Variants in PAMR1 observed in about 807,000 individuals in gnomAD.
PAMR1 encodes the protein inactive serine protease PAMR1.
A neutral mutation model predicts 81.8 loss-of-function variants in PAMR1; 88 were observed. The observed-to-expected ratio is 1.08, with a 90% confidence interval of 0.91 to 1.28. PAMR1 has a LOEUF of 1.28. Among genes scored for constraint, PAMR1 ranks in the 50% most tolerant of loss-of-function variants. The probability of loss-of-function intolerance (pLI) is 0.00; values close to 1 mark genes in which losing one functional copy is unlikely to be tolerated. For missense variants in PAMR1, 935 were observed against 919.7 expected (o/e 1.02, Z -0.21); for synonymous variants, 336 against 345.3 (o/e 0.97, Z 0.30).
At chr11:35,435,830 A>AG in intron 9 of PAMR1, 73 bp downstream of exon 9, 1 of 1,104,670 alleles carries the variant, frequency 9.1e-7, no homozygotes, top group African/African-American at 1.5e-5. Context: ...CCCAAAAAGT[A>AG]GGGTTAATGG....
chr11:35,435,755 A>G, intron 9 of PAMR1, 148 bp downstream of exon 9: 1 of 626,746 alleles, frequency 1.6e-6, no homozygotes, highest in South Asian at 2.0e-5. Flanking sequence ...AGCCAAAGGA[A>G]AAAAAAAGCT....
intron 6 of PAMR1, among the ~76,000 whole-genome samples, chr11:35,457,598 G>A (rs530154191): frequency 2.0e-5 from 3 of 152,116 alleles, no homozygotes; most frequent in Non-Finnish European, 4.4e-5. Flanking sequence ...GCTCCTCAAG[G>A]AAACACCTTC....
At chr11:35,459,482 G>A (rs1018466199) in intron 6 of PAMR1, among the ~76,000 whole-genome samples, 5 of 152,166 alleles carry the variant, frequency 3.3e-5, no homozygotes, top group Non-Finnish European at 7.4e-5. Flanking sequence ...CTCCTTGGGG[G>A]TGGGTGATAA....
intron 3 of PAMR1, among the ~76,000 whole-genome samples, chr11:35,475,116 GGCCTGACAAAT>G (rs1049132522): frequency 2.0e-5 from 3 of 152,100 alleles, no homozygotes; most frequent in Non-Finnish European, 4.4e-5. Flanking sequence ...TTCCTCTCCA[GGCCTGACAAAT>G]GCCAGCCTGC....
Position 35,441,705 on chromosome 11 carries a change from T to TAAAAG in PAMR1, c.821-17_821-13dup. ...TCTTTCTTCAAGGACTAAAAGAAAG[T>TAAAAG]AAAAGAAAAGGAGAATTGTTAAAAG... On this transcript the variant is annotated splice_polypyrimidine_tract_variant and intron_variant, in intron 6 of 10. Transcript: ENST00000619888. The TAAAAG allele has an allele frequency of 3.2e-6, 5 of 1,560,788 alleles. No homozygotes were observed. In the Middle Eastern group the frequency reaches 8.5e-4, roughly 267 times the overall value.
intron 3 of PAMR1, among the ~76,000 whole-genome samples, chr11:35,487,923 AG>A (rs545767514): frequency 7.4e-4 from 113 of 152,322 alleles, no homozygotes; most frequent in African/African-American, 2.5e-3. Context: ...TGGCACATAA[AG>A]TGCTCAGCAC....
At chr11:35,515,631 C>T (rs2135422376) in intron 1 of PAMR1, among the ~76,000 whole-genome samples, 1 of 152,282 alleles carries the variant, frequency 6.6e-6, no homozygotes, top group Admixed American at 6.5e-5. Context: ...TGGGGTGGAG[C>T]ATCATTAGCC....
At chr11:35,464,686 A>C (rs1469525146) in intron 6 of PAMR1, among the ~76,000 whole-genome samples, 1 of 152,238 alleles carries the variant, frequency 6.6e-6, no homozygotes, top group Non-Finnish European at 1.5e-5. Flanking sequence ...CCGCAGAAAA[A>C]AAGGTCTAGA....
At chr11:35,478,835 C>CATGT (rs879922658) in intron 3 of PAMR1, among the ~76,000 whole-genome samples, 1 of 149,612 alleles carries the variant, frequency 6.7e-6, no homozygotes, top group Non-Finnish European at 1.5e-5. Context: ...GGTGTGTGGG[C>CATGT]GTGTGTGTGT....
Position 35,489,274 on chromosome 11 carries a change from C to T in PAMR1, c.379+2771G>A, listed in dbSNP as rs566005522. Among the ~76,000 whole-genome samples the T allele has an allele frequency of 7.9e-5, 12 of 152,284 alleles. No individual in the cohort carries two copies. In the East Asian group the frequency reaches 2.3e-3, roughly 29 times the overall value. On this transcript the variant is annotated intron_variant, in intron 3 of 10. Transcript: ENST00000619888. ...AACTCACCTTCTTTCCCCCACCAAACCTCTTCCCTTTTATTACTCACTTAA... is the reference window on the plus strand; with the variant it reads ...AACTCACCTTCTTTCCCCCACCAAATCTCTTCCCTTTTATTACTCACTTAA...
chr11:35,493,199 C>T (rs1850661841), intron 2 of PAMR1, among the ~76,000 whole-genome samples: 1 of 152,198 alleles, frequency 6.6e-6, no homozygotes, highest in Non-Finnish European at 1.5e-5. Context: ...TATTTCTCTC[C>T]TGCCTCTAGT....
chr11:35,434,196 A>G lies in PAMR1; in HGVS notation c.1626+316T>C, dbSNP rs1002800480. Among the ~76,000 whole-genome samples, 11 of 152,260 alleles carry G rather than the reference A, an allele frequency of 7.2e-5. No individual in the cohort carries two copies. In the South Asian group the frequency reaches 8.3e-4, roughly 11 times the overall value. On this transcript the variant is annotated intron_variant, in intron 10 of 10. Transcript: ENST00000619888. ...AATTTTTAATTTGTTAATTTATGACATATCCTACCAGGTAACATGTGCTAC... is the reference window on the plus strand; with the variant it reads ...AATTTTTAATTTGTTAATTTATGACGTATCCTACCAGGTAACATGTGCTAC...
At chr11:35,525,298 G>A (rs781633422) in intron 1 of PAMR1, among the ~76,000 whole-genome samples, 4 of 152,034 alleles carry the variant, frequency 2.6e-5, no homozygotes, top group Non-Finnish European at 5.9e-5. Context: ...ACAAAACCAC[G>A]TCACAGTCTC....
intron 6 of PAMR1, among the ~76,000 whole-genome samples, chr11:35,443,652 C>T (rs1856228736): frequency 6.6e-6 from 1 of 152,102 alleles, no homozygotes; most frequent in African/African-American, 2.4e-5. Flanking sequence ...GCTATTGTGA[C>T]CAGTGATGCA....
At position 35,497,117 on chromosome 11, in the gene PAMR1, G is replaced by C. The variant is rs549819650; in HGVS notation, c.74-2845C>G. 6.6e-5 allele frequency among the ~76,000 whole-genome samples: 10 copies of C among 152,312 alleles called. 1 individual carries two copies. In the East Asian group the frequency reaches 1.5e-3, roughly 23 times the overall value. ...AGGGGCAGAGGTTGCAGTGAGCCAA[G>C]ATTGTGTCATTGGACACCAGCCTGG... is the stretch of plus-strand genomic sequence containing the variant. On this transcript the variant is annotated intron_variant, in intron 1 of 10. Transcript: ENST00000619888.
rs868276332 is a variant in PAMR1 at position 35,468,058 on chromosome 11, C to A, written c.763G>T (p.Ala255Ser). The change falls in exon 6 of 11, where the codon GCT (alanine) becomes TCT (serine). Residue 255 changes from alanine to serine, a missense_variant. Coordinates refer to ENST00000619888, the MANE Select transcript of PAMR1 (RefSeq NM_001001991.3). ...FHDGTCVLDK[A>S]GSYKCACLAG... is the part of the protein sequence containing the mutation. Reference sequence around the variant, plus strand: ...AAGCAGGCACACTTGTAAGATCCAGCCTTGTCAAGGACGCACGTGCCGTCA... The same window carrying A: ...AAGCAGGCACACTTGTAAGATCCAGACTTGTCAAGGACGCACGTGCCGTCA... 4 of 1,561,508 alleles carry A rather than the reference C, an allele frequency of 2.6e-6. No homozygotes were observed. The highest frequency in any genetic ancestry group is 2.4e-5 in the East Asian group (1 of 42,408).
chr11:35,446,517 A>C (rs960416135), intron 6 of PAMR1, among the ~76,000 whole-genome samples: 1 of 152,206 alleles, frequency 6.6e-6, no homozygotes, highest in Non-Finnish European at 1.5e-5. Context: ...GCTGCATCCC[A>C]GTGATTCCGG....
At chr11:35,502,179 C>T (rs779838012) in intron 1 of PAMR1, among the ~76,000 whole-genome samples, 3 of 151,986 alleles carry the variant, frequency 2.0e-5, no homozygotes, top group Non-Finnish European at 2.9e-5. Flanking sequence ...TTTTCATATA[C>T]CTGCTGGCCA....
intron 2 of PAMR1, 57 bp from the exon 3 acceptor site, chr11:35,492,230 G>T: frequency 6.3e-7 from 1 of 1,594,492 alleles, no homozygotes. Flanking sequence ...GTTCTGATCA[G>T]CTGCATGGGA....
Sources: allele counts gnomAD v4.1 joint callset (sites outside exome capture counted in the v4.1 genomes callset), GRCh38; gene constraint gnomAD v4.1.1; transcripts MANE v1.5; gene names NCBI Gene and HGNC (gene_info 2026-07-23, HGNC 2026-07-21).